COL28A1: variants seen among roughly 807,000 people sequenced by gnomAD.
The protein encoded by COL28A1 is collagen alpha-1(XXVIII) chain.
COL28A1 carries 161 observed loss-of-function variants against 150.2 expected under a neutral mutation model. That is an observed-to-expected ratio of 1.07 (90% CI 0.94 to 1.22). The LOEUF (loss-of-function observed/expected upper bound fraction) is 1.22, where lower values mean the gene tolerates loss of function less well. Among genes scored for constraint, COL28A1 ranks in the 50% most tolerant of loss-of-function variants. COL28A1 has a pLI of 0.00. For synonymous variants in COL28A1, 552 were observed against 469.7 expected, an observed-to-expected ratio of 1.18 and a Z score of -2.26; for missense variants, 1,617 against 1,388.3, an observed-to-expected ratio of 1.16 and a Z score of -2.62.
intron 27 of COL28A1, among the ~76,000 whole-genome samples, chr7:7,413,961 C>T (rs1217350610): frequency 6.6e-6 from 1 of 152,174 alleles, no homozygotes; most frequent in Non-Finnish European, 1.5e-5. Flanking sequence ...TATATAAGGA[C>T]TTCTGGGTCC....
At chr7:7,526,706 G>T (rs1201999951) in intron 3 of COL28A1, among the ~76,000 whole-genome samples, 2 of 152,008 alleles carry the variant, frequency 1.3e-5, no homozygotes, top group Non-Finnish European at 2.9e-5. Flanking sequence ...CATGATCTTG[G>T]CTCACTGCAA....
chr7:7,484,183 T>TA (rs966569933), intron 13 of COL28A1, among the ~76,000 whole-genome samples: 5 of 150,510 alleles, frequency 3.3e-5, no homozygotes, highest in Non-Finnish European at 5.9e-5. Context: ...ATCTAAAGAA[T>TA]AAAAAAAAAT....
In COL28A1 at chr7:7,531,608, T is replaced by C. The variant is rs1318776707; in HGVS notation, c.421A>G (p.Thr141Ala). Residue 141 changes from threonine (T) to alanine (A), a missense_variant, in exon 3 of 35, where the codon ACT (threonine) becomes GCT (alanine). Coordinates refer to ENST00000399429, the MANE Select transcript of COL28A1 (RefSeq NM_001037763.3). Reference protein sequence around the residue: ...TFSYYAISNATRLLKREGRKD... With the variant: ...TFSYYAISNAARLLKREGRKD... Reference sequence around the variant, plus strand: ...CGCCCTTCTCTCTTAAGTAGCCTAGTGGCATTGGAAATGGCATAATAAGAG... The same window carrying C: ...CGCCCTTCTCTCTTAAGTAGCCTAGCGGCATTGGAAATGGCATAATAAGAG... 9 of 1,606,896 alleles carry C rather than the reference T, an allele frequency of 5.6e-6. No homozygotes were observed. In the African/African-American group the frequency reaches 6.7e-5, roughly 12 times the overall value.
intron 1 of COL28A1, among the ~76,000 whole-genome samples, chr7:7,534,648 T>G (rs549000421): frequency 7.0e-4 from 107 of 152,160 alleles, no homozygotes; most frequent in Non-Finnish European, 1.4e-3. Flanking sequence ...AAACCCTTCA[T>G]GTAAGGTTTT....
intron 27 of COL28A1, among the ~76,000 whole-genome samples, chr7:7,408,238 A>C (rs143011801): frequency 6.6e-6 from 1 of 152,268 alleles, no homozygotes; most frequent in Non-Finnish European, 1.5e-5. Context: ...AAGATCAAAG[A>C]CAAATTGCTC....
chr7:7,494,421 G>A (rs368756648), intron 11 of COL28A1, among the ~76,000 whole-genome samples: 26 of 152,156 alleles, frequency 1.7e-4, no homozygotes, highest in African/African-American at 5.8e-4. Flanking sequence ...TAGAACCTTG[G>A]TTCTATCATT....
chr7:7,504,151 G>T (rs1780681576), intron 11 of COL28A1, among the ~76,000 whole-genome samples: 1 of 152,064 alleles, frequency 6.6e-6, no homozygotes, highest in African/African-American at 2.4e-5. Flanking sequence ...TGAAATTAAA[G>T]GCCAAATTTT....
intron 15 of COL28A1, among the ~76,000 whole-genome samples, chr7:7,457,426 G>C (rs1787256724): frequency 6.6e-6 from 1 of 152,112 alleles, no homozygotes; most frequent in Admixed American, 6.5e-5. Flanking sequence ...TGACTGAGAA[G>C]AAAAAGCCTG....
At position 7,444,300 on chromosome 7, in the gene COL28A1, A is replaced by G. The variant is rs919770227; in HGVS notation, c.1581+118T>C. The stretch of plus-strand genomic sequence containing the variant: ...AAAGGGACATTTGGGATTGTGAGAT[A>G]TTTTTTCTTAAAGAAACTAAGTTTG... On this transcript the variant is annotated intron_variant, in intron 19 of 34. Coordinates refer to ENST00000399429, the MANE Select transcript of COL28A1 (RefSeq NM_001037763.3). The G allele has an allele frequency of 2.2e-6, 3 of 1,392,756 alleles. No individual in the cohort carries two copies. In the Admixed American group the frequency reaches 6.6e-5, roughly 30 times the overall value. The allele number at this position is 1,392,756 out of a possible 1,614,324, so 86.3% of individuals were successfully genotyped here.
At chr7:7,477,412 T>C (rs1173730335) in intron 13 of COL28A1, among the ~76,000 whole-genome samples, 1 of 152,250 alleles carries the variant, frequency 6.6e-6, no homozygotes, top group African/African-American at 2.4e-5. Context: ...TTAGGTATTG[T>C]AACTAATCTA....
chr7:7,502,887 C>T (rs1780613321), intron 11 of COL28A1, among the ~76,000 whole-genome samples: 2 of 54,428 alleles, frequency 3.7e-5, no homozygotes, highest in South Asian at 1.0e-3. Flanking sequence ...TTAGTAGAGA[C>T]GGGGTTTCAC....
chr7:7,357,378 T>C (rs1284122357), downstream of COL28A1, among the ~76,000 whole-genome samples: 1 of 151,608 alleles, frequency 6.6e-6, no homozygotes, highest in East Asian at 2.0e-4. Flanking sequence ...ATAAAATATG[T>C]GGCCGGGCGG....
At chr7:7,459,315 G>A (rs1458360120) in intron 15 of COL28A1, among the ~76,000 whole-genome samples, 4 of 152,188 alleles carry the variant, frequency 2.6e-5, no homozygotes, top group Admixed American at 6.5e-5. Flanking sequence ...TTGCTGTACA[G>A]CCAGAGCTAA....
upstream of COL28A1, among the ~76,000 whole-genome samples, chr7:7,539,135 C>T (rs1782743085): frequency 1.3e-5 from 2 of 152,118 alleles, no homozygotes; most frequent in African/African-American, 4.8e-5. Context: ...GGAACACTGT[C>T]TTAGTCCATT....
At chr7:7,345,468 T>C in the COL28A1 span, among the ~76,000 whole-genome samples, 1 of 152,118 alleles carries the variant, frequency 6.6e-6, no homozygotes, top group Admixed American at 6.6e-5. Flanking sequence ...TAGATCCAAA[T>C]TACCATCTGG....
In COL28A1 at chr7:7,444,464, G is replaced by A. The variant is rs763665677; in HGVS notation, c.1535C>T (p.Pro512Leu). 1.2e-6 allele frequency: 2 copies of A among 1,613,774 alleles called. No individual in the cohort carries two copies. Among genetic ancestry groups the A allele is most frequent in the South Asian group, 1.1e-5 (1 of 91,038 alleles). ...PKGEPGSIGL[P>L]GQPGVPGEDG... ...TTCTCCTGGTACTCCTGGTTGTCCT[G>A]GGAGCCCTATTGAGCCTGGCTCTCC... is the stretch of plus-strand genomic sequence containing the variant. Residue 512 changes from proline to leucine, a missense_variant, in exon 19 of 35, where the codon CCA becomes CTA. Transcript: ENST00000399429.
At chr7:7,346,020 ACTC>A in the COL28A1 span, among the ~76,000 whole-genome samples, 1 of 151,240 alleles carries the variant, frequency 6.6e-6, no homozygotes, top group South Asian at 2.1e-4. Flanking sequence ...ACCCTATTAA[ACTC>A]CTCATTTCAT....
chr7:7,514,598 C>A (rs1205835772), intron 8 of COL28A1, among the ~76,000 whole-genome samples: 1 of 152,196 alleles, frequency 6.6e-6, no homozygotes, highest in Non-Finnish European at 1.5e-5. Context: ...AGCCCACATA[C>A]CATGTGTCTA....
chr7:7,461,692 G>C (rs964047872), intron 15 of COL28A1, among the ~76,000 whole-genome samples: 1 of 152,058 alleles, frequency 6.6e-6, no homozygotes, highest in African/African-American at 2.4e-5. Context: ...CCATTGATCT[G>C]GGAACCTCTC....
Sources: allele counts gnomAD v4.1 joint callset (sites outside exome capture counted in the v4.1 genomes callset), GRCh38; gene constraint gnomAD v4.1.1; transcripts MANE v1.5; gene names NCBI Gene and HGNC (gene_info 2026-07-23, HGNC 2026-07-21).